COL6A2: variants seen among roughly 807,000 people sequenced by gnomAD.
The protein encoded by COL6A2 is collagen alpha-2(VI) chain.
COL6A2 carries 90 observed loss-of-function variants against 124.9 expected under a neutral mutation model. That is an observed-to-expected ratio of 0.72 (90% CI 0.61 to 0.86). COL6A2 has a LOEUF of 0.86. Among genes scored for constraint, COL6A2 ranks in the 40% least tolerant of loss-of-function variants. The pLI is 0.00. For missense variants in COL6A2, 1,607 were observed against 1,502.5 expected (o/e 1.07, Z -1.15); for synonymous variants, 793 against 618.2 (o/e 1.28, Z -4.19).
intron 27 of COL6A2, among the ~76,000 whole-genome samples, chr21:46,130,763 C>G (rs1197976922): frequency 6.6e-6 from 1 of 152,176 alleles, no homozygotes. Context: ...CCCAGCGGTA[C>G]CTGAGGAGTT....
At chr21:46,125,168 G>A (rs530362539) in intron 23 of COL6A2, 98 bp from the exon 24 acceptor site, 23 of 1,253,700 alleles carry the variant, frequency 1.8e-5, no homozygotes, top group South Asian at 7.6e-5. Context: ...GCCTCCACAC[G>A]TGGGCTGGAA....
chr21:46,123,267 C>T (rs1195834382), intron 21 of COL6A2, among the ~76,000 whole-genome samples: 1 of 146,906 alleles, frequency 6.8e-6, no homozygotes, highest in Non-Finnish European at 1.5e-5. Flanking sequence ...AGGGTCCCCT[C>T]CCCAGCGACC....
rs748411409 is a variant in COL6A2, at chr21:46,129,393, G to A, written c.2462-2561G>A. 17 of 1,612,998 alleles carry A rather than the reference G, an allele frequency of 1.1e-5. No homozygotes were observed. The East Asian group carries it at 3.6e-4, about 34-fold the overall frequency. The stretch of plus-strand genomic sequence containing the variant: ...CGAGCGGGCCAAGTTCGCCACCGGG[G>A]TAGAGCGGCAGGACTGGATGGAGCT... On this transcript the variant is annotated intron_variant, in intron 27 of 27. Coordinates refer to ENST00000300527, the MANE Select transcript of COL6A2 (RefSeq NM_001849.4).
chr21:46,117,812 C>T, intron 11 of COL6A2, 62 bp from the exon 12 acceptor site: 2 of 1,544,330 alleles, frequency 1.3e-6, no homozygotes, highest in Non-Finnish European at 1.8e-6. Context: ...CACTTGGGCC[C>T]TGGCTCATGG....
At chr21:46,122,296 G>A in intron 19 of COL6A2, 138 bp downstream of exon 19, 1 of 1,245,782 alleles carries the variant, frequency 8.0e-7, no homozygotes, top group East Asian at 2.5e-5. Context: ...ACAGAGTGGT[G>A]AGAAGGCTTC....
chr21:46,130,040 C>T (rs1041914200), intron 27 of COL6A2, among the ~76,000 whole-genome samples: 2 of 152,184 alleles, frequency 1.3e-5, no homozygotes, highest in Non-Finnish European at 2.9e-5. Flanking sequence ...GCACTAATCC[C>T]GTGCATGGTG....
Position 46,128,955 on chromosome 21 carries a change from C to A in COL6A2, c.2461+2414C>A, listed in dbSNP as rs1304759977. 5 of 1,610,676 alleles carry A rather than the reference C, an allele frequency of 3.1e-6. No homozygotes were observed. The African/African-American group carries it at 4.0e-5, about 13-fold the overall frequency. ...AGGTTTTCTCGGGGTCCGTGGTGTC[C>A]CCCAAAGGTGCCACCGTGCGGGTCT... On this transcript the variant is annotated intron_variant, in intron 27 of 27. Transcript: ENST00000300527.
At chr21:46,118,818 A>T (rs2078516746) in intron 13 of COL6A2, 142 bp downstream of exon 13, 3 of 1,139,034 alleles carry the variant, frequency 2.6e-6, no homozygotes, top group Non-Finnish European at 3.9e-6. Context: ...GGACAGGAAG[A>T]ACAGGCCATG....
chr21:46,110,710 G>A (rs1009558635), intron 1 of COL6A2, among the ~76,000 whole-genome samples: 3 of 52,392 alleles, frequency 5.7e-5, no homozygotes, highest in African/African-American at 1.5e-4. Context: ...TGCACGCTCT[G>A]AACCAGGCCC....
chr21:46,111,080 C>T (rs2078391687), intron 1 of COL6A2, among the ~76,000 whole-genome samples: 1 of 152,154 alleles, frequency 6.6e-6, no homozygotes, highest in African/African-American at 2.4e-5. Flanking sequence ...GCACTGTTTC[C>T]AGGGCAGCCC....
At chr21:46,124,541 C>CTA (rs1568938158) in intron 21 of COL6A2, 110 bp from the exon 22 acceptor site, 4 of 923,720 alleles carry the variant, frequency 4.3e-6, no homozygotes, top group East Asian at 2.5e-5. Flanking sequence ...CTGTTAGCCC[C>CTA]CCCCCCCGCC....
chr21:46,129,241 C>G (rs376033133), intron 27 of COL6A2: 2 of 1,612,826 alleles, frequency 1.2e-6, no homozygotes, highest in East Asian at 2.2e-5. Flanking sequence ...TTCCTCCGCA[C>G]GGAAGAGGGG....
chr21:46,128,930 A>G (rs780202731), intron 27 of COL6A2: 3 of 1,612,640 alleles, frequency 1.9e-6, no homozygotes, highest in Non-Finnish European at 2.5e-6. Context: ...TTGTGCTGAA[A>G]GGTTTTCTCG....
intron 12 of COL6A2, among the ~76,000 whole-genome samples, chr21:46,118,391 C>G (rs541856475): frequency 7.9e-4 from 120 of 152,224 alleles, no homozygotes; most frequent in Non-Finnish European, 1.1e-3. Context: ...TGGCTGAGTC[C>G]TCTGAGCAGA....
In COL6A2 at chr21:46,125,534, C is replaced by T; in HGVS notation, c.1886C>T (p.Thr629Ile). The part of the protein sequence containing the change: ...VIDSSESIGY[T>I]NFTLEKNFVI... ...GACAGCTCCGAGAGCATTGGGTACA[C>T]CAACTTCACACTGGAGAAGAACTTC... Residue 629 changes from threonine (T) to isoleucine (I), a missense_variant, in exon 25 of 28, where the codon ACC (threonine) becomes ATC (isoleucine). Around this residue, in one of 3 missense-constraint regions of COL6A2, gnomAD observed 1,223 missense variants for 1,052.2 expected, o/e 1.16. Coordinates refer to ENST00000300527, the MANE Select transcript of COL6A2 (RefSeq NM_001849.4). The T allele has an allele frequency of 1.2e-6, 2 of 1,612,984 alleles. No individual in the cohort carries two copies. Among genetic ancestry groups the T allele is most frequent in the African/African-American group, 1.3e-5 (1 of 75,064 alleles).
intron 27 of COL6A2, chr21:46,128,761 G>A (rs2078713702): frequency 1.4e-5 from 11 of 774,370 alleles, no homozygotes; most frequent in Admixed American, 5.4e-5. Context: ...GGGTGTAGAG[G>A]ACTCACATCC....
At chr21:46,120,814 C>T (rs2078554223) in intron 16 of COL6A2, among the ~76,000 whole-genome samples, 1 of 151,816 alleles carries the variant, frequency 6.6e-6, no homozygotes, top group African/African-American at 2.4e-5. Context: ...AGTAGGGGAC[C>T]CAGGTGAGGG....
chr21:46,129,201 C>A lies in COL6A2; in HGVS notation c.2461+2660C>A, dbSNP rs78231002. On this transcript the variant is annotated intron_variant, in intron 27 of 27. Coordinates refer to ENST00000300527, the MANE Select transcript of COL6A2 (RefSeq NM_001849.4). ...CTCTGGACGCTCCCTTGCAGATGCA[C>A]CGTGGCCTGGCGGCGAGCCCCCGGT... The A allele has an allele frequency of 3.7e-4, 601 of 1,612,902 alleles. 1 individual carries two copies. In the African/African-American group the frequency reaches 6.5e-3, roughly 17 times the overall value.
chr21:46,117,631 C>T (rs2078493024), intron 11 of COL6A2, 178 bp downstream of exon 11: 1 of 760,816 alleles, frequency 1.3e-6, no homozygotes, highest in Non-Finnish European at 2.2e-6. Context: ...GGAACTCCCC[C>T]TGGGAGCTCC....
Sources: gnomAD v4.1 joint callset for allele counts (sites outside exome capture counted in the v4.1 genomes callset) on GRCh38, gnomAD v4.1.1 for gene constraint, gnomAD v4.1.1 regional missense constraint, MANE v1.5 for transcripts, NCBI Gene and HGNC (gene_info 2026-07-23, HGNC 2026-07-21) for gene names.